The following UNC79 variants were observed in gnomAD, a reference collection of about 807,000 sequenced individuals.
UNC79 encodes protein unc-79 homolog.
UNC79 carries 37 observed loss-of-function variants against 283.1 expected under a neutral mutation model. That is an observed-to-expected ratio of 0.13 (90% confidence interval 0.10 to 0.17). The LOEUF (loss-of-function observed/expected upper bound fraction) is 0.17, where lower values mean the gene tolerates loss of function less well. Among genes scored for constraint, UNC79 ranks in the 10% least tolerant of loss-of-function variants. The pLI is 1.00. For synonymous variants in UNC79, 1,107 were observed against 1,200.2 expected, an observed-to-expected ratio of 0.92 and a Z score of 1.61; for missense variants, 2,272 against 3,211.1, an observed-to-expected ratio of 0.71 and a Z score of 7.07.
intron 1 of UNC79, among the ~76,000 whole-genome samples, chr14:93,421,719 A>G (rs1215272833): frequency 1.3e-5 from 2 of 151,556 alleles, no homozygotes; most frequent in Non-Finnish European, 2.9e-5. Flanking sequence ...AAATACTAGC[A>G]AACCAAATTT....
At chr14:93,527,031 A>G (rs2060579240) in intron 8 of UNC79, among the ~76,000 whole-genome samples, 1 of 152,242 alleles carries the variant, frequency 6.6e-6, no homozygotes, top group Non-Finnish European at 1.5e-5. Flanking sequence ...TTTTGTTTTA[A>G]TAGGCTGCAA....
At chr14:93,363,863 C>T (rs141978474) in intron 1 of UNC79, among the ~76,000 whole-genome samples, 157 of 152,106 alleles carry the variant, frequency 1.0e-3, no homozygotes, top group African/African-American at 3.2e-3. Flanking sequence ...GGACTACAGG[C>T]GCCTGCCACC....
chr14:93,626,133 C>A (rs1198767055), intron 30 of UNC79, among the ~76,000 whole-genome samples: 1 of 152,214 alleles, frequency 6.6e-6, no homozygotes, highest in East Asian at 1.9e-4. Flanking sequence ...TTCAACCTGA[C>A]AATCGTAACA....
chr14:93,583,488 A>G (rs2063972754), intron 20 of UNC79, among the ~76,000 whole-genome samples: 1 of 152,230 alleles, frequency 6.6e-6, no homozygotes, highest in Non-Finnish European at 1.5e-5. Context: ...AAACGAAGGT[A>G]ACCCTACTAA....
At chr14:93,646,506 C>G (rs2069621190) in intron 34 of UNC79, 102 bp from the exon 38 acceptor site, 7 of 1,105,496 alleles carry the variant, frequency 6.3e-6, no homozygotes, top group Non-Finnish European at 9.4e-6. Context: ...ATACATGTCT[C>G]CCCATCTAAA....
At chr14:93,420,288 T>C (rs1347556224) in intron 1 of UNC79, among the ~76,000 whole-genome samples, 1 of 151,184 alleles carries the variant, frequency 6.6e-6, no homozygotes, top group Admixed American at 6.6e-5. Context: ...TCCATGCCAA[T>C]GGAAACCAAA....
chr14:93,403,979 A>G (rs1170946248), intron 1 of UNC79, among the ~76,000 whole-genome samples: 1 of 152,044 alleles, frequency 6.6e-6, no homozygotes, highest in East Asian at 1.9e-4. Context: ...AAAGAGTAGG[A>G]CTGTTTTCTA....
At chr14:93,483,081 CCTT>C (rs915870447) in intron 4 of UNC79, among the ~76,000 whole-genome samples, 1 of 152,162 alleles carries the variant, frequency 6.6e-6, no homozygotes, top group Non-Finnish European at 1.5e-5. Context: ...TCTTCAAAGT[CCTT>C]CTCCCAAATG....
chr14:93,363,650 G>A (rs146990660), intron 1 of UNC79, among the ~76,000 whole-genome samples: 4 of 152,256 alleles, frequency 2.6e-5, no homozygotes, highest in African/African-American at 7.2e-5. Flanking sequence ...GTGCTCCAGT[G>A]TTGGGTGAAC....
chr14:93,577,018 A>T (rs200603814), intron 17 of UNC79, among the ~76,000 whole-genome samples: 2 of 116,318 alleles, frequency 1.7e-5, no homozygotes, highest in East Asian at 3.7e-4. Flanking sequence ...GGCCTGGTGG[A>T]GACCTTGTCT....
At chr14:93,517,929 G>GTC (rs2060147245) in intron 7 of UNC79, among the ~76,000 whole-genome samples, 2 of 151,478 alleles carry the variant, frequency 1.3e-5, no homozygotes, top group African/African-American at 2.4e-5. Flanking sequence ...CTGTGTGTGT[G>GTC]TGTGTGTGTG....
exon 36 of UNC79, chr14:93,653,839 C>G (rs751637546): frequency 6.2e-6 from 10 of 1,614,042 alleles, no homozygotes; most frequent in Admixed American, 3.3e-5. Context: ...GCAGCTGTTC[C>G]AAAGCACGAT....
chr14:93,643,493 T>C (rs1268992488), intron 33 of UNC79, 64 bp from the exon 37 acceptor site: 2 of 1,611,548 alleles, frequency 1.2e-6, no homozygotes, highest in East Asian at 2.2e-5. Flanking sequence ...GTGTGTGTAG[T>C]ATATTATATC....
At chr14:93,358,262 ATAC>A (rs1282648408) in intron 1 of UNC79, among the ~76,000 whole-genome samples, 4 of 152,134 alleles carry the variant, frequency 2.6e-5, no homozygotes, top group Non-Finnish European at 5.9e-5. Flanking sequence ...TAGTGACTCT[ATAC>A]ATCATACCTT....
chr14:93,679,157 T>G (rs1385533775), intron 41 of UNC79, among the ~76,000 whole-genome samples: 2 of 152,154 alleles, frequency 1.3e-5, no homozygotes, highest in Non-Finnish European at 2.9e-5. Context: ...TAGCTCCTAT[T>G]ATGTGTCAAG....
intron 8 of UNC79, 45 bp downstream of exon 8, chr14:93,524,087 C>A: frequency 6.2e-7 from 1 of 1,602,614 alleles, no homozygotes; most frequent in South Asian, 1.1e-5. Flanking sequence ...TGTCAGTGGT[C>A]AAATTGCTGA....
At chr14:93,338,561 G>A (rs2053632669) in intron 1 of UNC79, among the ~76,000 whole-genome samples, 1 of 152,206 alleles carries the variant, frequency 6.6e-6, no homozygotes, top group South Asian at 2.1e-4. Flanking sequence ...TCCAGCATAT[G>A]TAAAGAATGC....
At chr14:93,400,469 TC>T in intron 1 of UNC79, among the ~76,000 whole-genome samples, 1 of 152,296 alleles carries the variant, frequency 6.6e-6, no homozygotes, top group African/African-American at 2.4e-5. Context: ...CATGAATGGT[TC>T]AGGAAAGCAT....
intron 39 of UNC79, among the ~76,000 whole-genome samples, chr14:93,660,428 C>T (rs2071412065): frequency 6.7e-6 from 1 of 150,246 alleles, no homozygotes; most frequent in African/African-American, 2.5e-5. Flanking sequence ...GGCTTGAATT[C>T]AGGCTTCTCT....
Sources: gnomAD v4.1 joint callset for allele counts (sites outside exome capture counted in the v4.1 genomes callset) on GRCh38, gnomAD v4.1.1 for gene constraint, MANE v1.5 for transcripts, NCBI Gene and HGNC (gene_info 2026-07-23, HGNC 2026-07-21) for gene names.